Variants in FRAS1 observed in about 807,000 individuals in gnomAD.
The protein encoded by FRAS1 is extracellular matrix organizing protein FRAS1.
FRAS1 carries 290 observed loss-of-function variants against 435.2 expected under a neutral mutation model. The observed-to-expected ratio is 0.67, with a 90% CI of 0.61 to 0.73. The LOEUF (loss-of-function observed/expected upper bound fraction) is 0.73, where lower values mean the gene tolerates loss of function less well. Ranked by LOEUF, FRAS1 falls within the 30% of genes least tolerant of loss-of-function variation. The pLI, the probability that FRAS1 is intolerant of heterozygous loss-of-function variation, is 0.00. For missense variants in FRAS1, 4,860 were observed against 5,001.5 expected, an observed-to-expected ratio of 0.97 and a Z score of 0.85; for synonymous variants, 1,800 against 1,851.0, an observed-to-expected ratio of 0.97 and a Z score of 0.71.
At chr4:78,487,100 C>T (rs913741627) in intron 58 of FRAS1, among the ~76,000 whole-genome samples, 3 of 152,158 alleles carry the variant, frequency 2.0e-5, no homozygotes, top group Non-Finnish European at 2.9e-5. Context: ...CAACAAGCTT[C>T]CTTCTTGTCC....
chr4:78,380,039 C>A, intron 27 of FRAS1, 43 bp downstream of exon 27: 2 of 1,594,176 alleles, frequency 1.3e-6, no homozygotes, highest in Non-Finnish European at 1.7e-6. Flanking sequence ...TCCTTTCCAT[C>A]ATTGCTTTTC....
chr4:78,472,409 A>G (rs761627615), intron 52 of FRAS1, 79 bp downstream of exon 52: 108 of 1,272,310 alleles, frequency 8.5e-5, no homozygotes, highest in Admixed American at 1.9e-4. Context: ...TTCTTCTCAC[A>G]GCCACTTCCA....
At chr4:78,316,854 G>A (rs1729277319) in intron 16 of FRAS1, among the ~76,000 whole-genome samples, 1 of 152,176 alleles carries the variant, frequency 6.6e-6, no homozygotes, top group African/African-American at 2.4e-5. Flanking sequence ...GCTTGACTGA[G>A]GGCATTGAAG....
intron 2 of FRAS1, among the ~76,000 whole-genome samples, chr4:78,225,100 G>A (rs1417230690): frequency 6.6e-6 from 1 of 152,192 alleles, no homozygotes; most frequent in Non-Finnish European, 1.5e-5. Flanking sequence ...CACAGGAAAG[G>A]TCTGAGGATG....
chr4:78,320,101 G>A (rs1168594472), intron 18 of FRAS1, among the ~76,000 whole-genome samples: 1 of 152,206 alleles, frequency 6.6e-6, no homozygotes, highest in African/African-American at 2.4e-5. Flanking sequence ...ACATGATGGG[G>A]AATCCCCTGC....
chr4:78,454,185 A>T (rs1320141780), intron 47 of FRAS1, among the ~76,000 whole-genome samples: 1 of 152,170 alleles, frequency 6.6e-6, no homozygotes, highest in Non-Finnish European at 1.5e-5. Context: ...AAAAAAAAAA[A>T]AAAGGACATT....
intron 2 of FRAS1, among the ~76,000 whole-genome samples, chr4:78,212,984 C>G (rs1184279408): frequency 6.6e-6 from 1 of 152,158 alleles, no homozygotes; most frequent in Non-Finnish European, 1.5e-5. Context: ...TCCTAGTTGG[C>G]CGTGCATCTA....
chr4:78,210,701 T>C (rs923681098), intron 2 of FRAS1, among the ~76,000 whole-genome samples: 1 of 152,164 alleles, frequency 6.6e-6, no homozygotes, highest in Admixed American at 6.6e-5. Flanking sequence ...TTATGGAAAA[T>C]AGGTTTGCCT....
At position 78,294,860 on chromosome 4, in the gene FRAS1, A is replaced by T. The variant is rs140372504; in HGVS notation, c.1534+8321A>T. Among the ~76,000 whole-genome samples, 876 of 152,334 alleles carry T rather than the reference A, an allele frequency of 5.8e-3. 9 individuals carry two copies. Among genetic ancestry groups the T allele is most frequent in the African/African-American group, 0.02 (825 of 41,574 alleles). ...ATGAATTTATGTTTATTCCAAAAAAAAATAATTAAAGTCAATAAAATATAA... is the reference window on the plus strand; with the variant it reads ...ATGAATTTATGTTTATTCCAAAAAATAATAATTAAAGTCAATAAAATATAA... On this transcript the variant is annotated intron_variant, in intron 14 of 73. Coordinates refer to ENST00000512123, the MANE Select transcript of FRAS1 (RefSeq NM_025074.7).
chr4:78,276,130 A>T lies in FRAS1; in HGVS notation c.982-2525A>T, dbSNP rs1335221126. Reference sequence around the variant, plus strand: ...ATCAGCTACTGAAGCTTGTGCATTCATCACGTAGTTCTCATGCCATGGTTT... The same window carrying T: ...ATCAGCTACTGAAGCTTGTGCATTCTTCACGTAGTTCTCATGCCATGGTTT... On this transcript the variant is annotated intron_variant, in intron 9 of 73. Coordinates refer to ENST00000512123, the MANE Select transcript of FRAS1 (RefSeq NM_025074.7). Among the ~76,000 whole-genome samples, 3 of 152,308 alleles carry T rather than the reference A, an allele frequency of 2.0e-5. No individual in the cohort carries two copies. The East Asian group carries it at 5.8e-4, about 29-fold the overall frequency.
chr4:78,264,052 C>A (rs1047567195), intron 6 of FRAS1, among the ~76,000 whole-genome samples: 1 of 152,162 alleles, frequency 6.6e-6, no homozygotes, highest in Non-Finnish European at 1.5e-5. Context: ...AAAGTGAAGA[C>A]AACTGTTCCA....
At chr4:78,419,886 T>C (rs1733704507) in intron 33 of FRAS1, among the ~76,000 whole-genome samples, 1 of 152,052 alleles carries the variant, frequency 6.6e-6, no homozygotes, top group African/African-American at 2.4e-5. Context: ...CCAGATTTTG[T>C]TTAAAATCTC....
intron 2 of FRAS1, among the ~76,000 whole-genome samples, chr4:78,167,244 G>C (rs1338284083): frequency 6.6e-6 from 1 of 152,080 alleles, no homozygotes; most frequent in Non-Finnish European, 1.5e-5. Context: ...TGTACCAAAG[G>C]CTGAACTTAT....
chr4:78,121,409 C>A (rs1239701413), intron 2 of FRAS1, among the ~76,000 whole-genome samples: 1 of 152,134 alleles, frequency 6.6e-6, no homozygotes, highest in Non-Finnish European at 1.5e-5. Flanking sequence ...CCTCTGTAAC[C>A]CAGTGAGAAC....
chr4:78,280,366 C>T (rs58917172), intron 10 of FRAS1, among the ~76,000 whole-genome samples: 35,213 of 152,124 alleles, frequency 0.23, 5,089 homozygotes, highest in Non-Finnish European at 0.33. Flanking sequence ...GGAAGGACTC[C>T]AGGTCCTGGG....
At chr4:78,521,018 T>C (rs953538765) in intron 67 of FRAS1, among the ~76,000 whole-genome samples, 2 of 152,216 alleles carry the variant, frequency 1.3e-5, no homozygotes, top group Admixed American at 1.3e-4. Context: ...TGACTACAAT[T>C]TCCTTTATTA....
chr4:78,178,213 A>G (rs994640351), intron 2 of FRAS1, among the ~76,000 whole-genome samples: 3 of 152,018 alleles, frequency 2.0e-5, no homozygotes, highest in African/African-American at 7.3e-5. Flanking sequence ...AAATAAAGAT[A>G]CCAGTCATTG....
At chr4:78,246,478 A>T (rs1420490409) in intron 4 of FRAS1, among the ~76,000 whole-genome samples, 1 of 152,196 alleles carries the variant, frequency 6.6e-6, no homozygotes, top group Non-Finnish European at 1.5e-5. Flanking sequence ...TCCAAGCAGG[A>T]TCTACACTGA....
At chr4:78,455,122 G>T (rs975008826) in intron 47 of FRAS1, among the ~76,000 whole-genome samples, 8 of 152,074 alleles carry the variant, frequency 5.3e-5, no homozygotes, top group Non-Finnish European at 1.2e-4. Flanking sequence ...GCTCTGAGGG[G>T]CCCCTCCCCG....
Sources: gnomAD v4.1 joint callset for allele counts (sites outside exome capture counted in the v4.1 genomes callset) on GRCh38, gnomAD v4.1.1 for gene constraint, MANE v1.5 for transcripts, NCBI Gene and HGNC (gene_info 2026-07-23, HGNC 2026-07-21) for gene names.